Variants in MYCBP2 observed in about 807,000 individuals in gnomAD.
MYCBP2 encodes the protein MYC binding protein 2.
In MYCBP2, 120 loss-of-function variants were observed where a neutral mutation model predicts 525.3. The ratio of observed to expected loss-of-function variants is 0.23; its 90% CI spans 0.20 to 0.27. MYCBP2 has a LOEUF of 0.27. Among genes scored for constraint, MYCBP2 ranks in the 10% least tolerant of loss-of-function variants. MYCBP2 has a pLI of 1.00. For missense variants in MYCBP2, 4,149 were observed against 5,657.1 expected (o/e 0.73, Z 8.55); for synonymous variants, 1,894 against 1,955.8 (o/e 0.97, Z 0.83).
chr13:77,118,466 T>C (rs1264258860), intron 55 of MYCBP2: 2 of 764,956 alleles, frequency 2.6e-6, no homozygotes, highest in Admixed American at 3.4e-5. Context: ...CGTGACTGAA[T>C]GGAATTCAAT....
intron 47 of MYCBP2, among the ~76,000 whole-genome samples, chr13:77,146,510 G>A (rs2055590117): frequency 6.6e-6 from 1 of 151,462 alleles, no homozygotes; most frequent in South Asian, 2.1e-4. Context: ...ATACAGAAAG[G>A]AAAAGCTTCC....
chr13:77,171,785 T>A, intron 37 of MYCBP2, 151 bp from the exon 38 acceptor site: 1 of 689,476 alleles, frequency 1.5e-6, no homozygotes, highest in Non-Finnish European at 2.4e-6. Flanking sequence ...TAATAGGGAA[T>A]GATAAGGGCT....
At chr13:77,152,909 C>CA (rs145612391) in intron 46 of MYCBP2, among the ~76,000 whole-genome samples, 1 of 151,668 alleles carries the variant, frequency 6.6e-6, no homozygotes, top group Admixed American at 6.6e-5. Context: ...ACTAAAAATA[C>CA]AAAAAATTAG....
At chr13:77,083,220 C>T (rs765492556) in intron 62 of MYCBP2, 28 bp from the exon 63 acceptor site, 16 of 1,603,664 alleles carry the variant, frequency 1.0e-5, no homozygotes, top group Non-Finnish European at 1.3e-5. Context: ...ACAAGTTTAT[C>T]AGTTTGTGTG....
chr13:77,075,465 C>T (rs1312127203), intron 68 of MYCBP2: 4 of 152,200 alleles, frequency 2.6e-5, no homozygotes, highest in African/African-American at 9.7e-5. Flanking sequence ...CTGATCAGTC[C>T]TTGCTCCCAT....
At chr13:77,046,388 T>C (rs1314712178) in intron 82 of MYCBP2, among the ~76,000 whole-genome samples, 1 of 152,214 alleles carries the variant, frequency 6.6e-6, no homozygotes, top group East Asian at 1.9e-4. Context: ...TAAATCTAAA[T>C]TCTGATTGTG....
intron 32 of MYCBP2, 59 bp from the exon 33 acceptor site, chr13:77,181,981 G>C (rs913239184): frequency 1.4e-5 from 18 of 1,304,340 alleles, no homozygotes; most frequent in Non-Finnish European, 1.9e-5. Context: ...TATAATCTAA[G>C]TTTCTGAATA....
chr13:77,062,569 T>A (rs775158302), intron 74 of MYCBP2, 27 bp downstream of exon 74: 1 of 1,586,414 alleles, frequency 6.3e-7, no homozygotes, highest in Non-Finnish European at 8.7e-7. Flanking sequence ...GAAAGCAAGA[T>A]AAATTCTTAC....
intron 21 of MYCBP2, among the ~76,000 whole-genome samples, chr13:77,213,780 C>T (rs1325910836): frequency 6.6e-6 from 1 of 152,184 alleles, no homozygotes; most frequent in Non-Finnish European, 1.5e-5. Context: ...CTCACATAAC[C>T]ACCTCAAAAG....
Position 77,140,149 on chromosome 13 carries a change from C to A in MYCBP2, c.7416G>T (p.Val2472=). Residue 2472 remains valine, a synonymous_variant, in exon 51 of 83, where the codon GTG becomes GTT. Coordinates refer to ENST00000544440, the MANE Select transcript of MYCBP2 (RefSeq NM_015057.5). The stretch of plus-strand genomic sequence containing the variant: ...TGCGAAGCCCCGCACTGTCCTTGGC[C>A]ACAAATTTTCGAACCTGAGAAAGGC... ...EPQPNKVRKF[V]AKDSAGLRIR... 2 of 1,599,088 alleles carry A rather than the reference C, an allele frequency of 1.3e-6. No homozygotes were observed. Among genetic ancestry groups the A allele is most frequent in the South Asian group, 2.3e-5 (2 of 87,676 alleles).
rs532813056 is a variant in MYCBP2, at chr13:77,291,592, A to G, written c.379-3216T>C. ...TCGAGACCAGCCTCCACATGGAGAA[A>G]CCCCGTCTCTACTAAAAATACAAAA... On this transcript the variant is annotated intron_variant, in intron 2 of 82. Transcript: ENST00000544440. 2.0e-4 allele frequency among the ~76,000 whole-genome samples: 31 copies of G among 152,198 alleles called. No homozygotes were observed. The South Asian group carries it at 3.5e-3, about 17-fold the overall frequency.
At chr13:77,305,281 A>G (rs2079266098) in intron 1 of MYCBP2, among the ~76,000 whole-genome samples, 1 of 152,142 alleles carries the variant, frequency 6.6e-6, no homozygotes, top group South Asian at 2.1e-4. Flanking sequence ...AAAAATAGCA[A>G]CAACCCAAAT....
chr13:77,083,327 G>C (rs755623164), intron 62 of MYCBP2, 135 bp from the exon 63 acceptor site: 30 of 746,620 alleles, frequency 4.0e-5, no homozygotes, highest in Non-Finnish European at 5.5e-5. Flanking sequence ...TACCCAGAAA[G>C]ATACAGTAAT....
intron 49 of MYCBP2, chr13:77,144,228 C>CA: frequency 1.9e-6 from 1 of 519,920 alleles, no homozygotes; most frequent in South Asian, 2.2e-5. Context: ...GGGAGAGAGT[C>CA]ATGAGGGCTA....
Position 77,089,039 on chromosome 13 carries a change from AG to A in MYCBP2, c.10526-9del. 4 of 1,593,972 alleles carry A rather than the reference AG, an allele frequency of 2.5e-6. No individual in the cohort carries two copies. Among genetic ancestry groups the A allele is most frequent in the Non-Finnish European group, 3.4e-6 (4 of 1,170,376 alleles). On this transcript the variant is annotated splice_polypyrimidine_tract_variant and intron_variant, in intron 60 of 82. Coordinates refer to ENST00000544440, the MANE Select transcript of MYCBP2 (RefSeq NM_015057.5). ...AAAGGGAAGAACCAACTTCTATTAA[AG>A]AAAAAGAAAATTATTAATTTTCATA...
Position 77,168,655 on chromosome 13 carries a change from C to T in MYCBP2, c.5896-9G>A. The T allele has an allele frequency of 6.2e-7, 1 of 1,612,936 alleles. No individual in the cohort carries two copies. Among genetic ancestry groups the T allele is most frequent in the East Asian group, 2.2e-5 (1 of 44,872 alleles). Reference sequence around the variant, plus strand: ...AAGACTTCTACAGCCACCTAGTACACATATAAAAATATGGTTAAATGAGAT... The same window carrying T: ...AAGACTTCTACAGCCACCTAGTACATATATAAAAATATGGTTAAATGAGAT... On this transcript the variant is annotated splice_polypyrimidine_tract_variant and intron_variant, in intron 39 of 82. Transcript: ENST00000544440.
chr13:77,126,451 A>G lies in MYCBP2; in HGVS notation c.7751T>C (p.Leu2584Ser). ...CTTGTACATGCCTGGCCCTCCTCGC[A>G]AGAATGGCATATCTTGTTCTTGCAT... ...ATMQEQDMPFLRGGPGMYKVV... is the reference protein window; with the variant it reads ...ATMQEQDMPFSRGGPGMYKVV... The change falls in exon 53 of 83, where the codon TTG becomes TCG. Residue 2584 changes from leucine (L) to serine (S), a missense_variant. This residue lies in a region of MYCBP2 where 692 missense variants were observed against 852.7 expected (regional missense o/e 0.81). Transcript: ENST00000544440. 1 of 1,614,008 alleles carries G rather than the reference A, an allele frequency of 6.2e-7. No individual in the cohort carries two copies. The highest frequency in any genetic ancestry group is 8.5e-7 in the Non-Finnish European group (1 of 1,179,894).
chr13:77,078,334 G>A (rs2042683309), intron 66 of MYCBP2, among the ~76,000 whole-genome samples: 1 of 152,104 alleles, frequency 6.6e-6, no homozygotes, highest in South Asian at 2.1e-4. Context: ...ACAAGTAAGG[G>A]AGCTTGAGCA....
intron 24 of MYCBP2, among the ~76,000 whole-genome samples, chr13:77,206,102 G>C (rs1479717200): frequency 6.6e-6 from 1 of 151,956 alleles, no homozygotes; most frequent in East Asian, 1.9e-4. Flanking sequence ...GTCTTTTTAA[G>C]GATCATTTTT....
Sources: gnomAD v4.1 joint callset for allele counts (sites outside exome capture counted in the v4.1 genomes callset) on GRCh38, gnomAD v4.1.1 for gene constraint, gnomAD v4.1.1 regional missense constraint, MANE v1.5 for transcripts, NCBI Gene and HGNC (gene_info 2026-07-23, HGNC 2026-07-21) for gene names.